PCNX2: variants seen among roughly 807,000 people sequenced by gnomAD.
PCNX2 encodes pecanex 2, also known as pecanex-like protein 2.
A neutral mutation model predicts 223.8 loss-of-function variants in PCNX2; 168 were observed. That is an observed-to-expected ratio of 0.75 (90% CI 0.66 to 0.85). PCNX2 has a LOEUF of 0.85. Ranked by LOEUF, PCNX2 falls within the 40% of genes least tolerant of loss-of-function variation. PCNX2 has a pLI of 0.00. For synonymous variants in PCNX2, 1,006 were observed against 1,052.6 expected (o/e 0.96, Z 0.86); for missense variants, 2,507 against 2,675.5 (o/e 0.94, Z 1.39).
At chr1:233,262,004 A>C in intron 3 of PCNX2, 41 bp downstream of exon 3, 2 of 1,611,148 alleles carry the variant, frequency 1.2e-6, no homozygotes, top group South Asian at 2.2e-5. Flanking sequence ...TCAACATCGA[A>C]ATCACATGAA....
chr1:233,027,921 CATT>C (rs1671138684), intron 25 of PCNX2, among the ~76,000 whole-genome samples: 1 of 152,234 alleles, frequency 6.6e-6, no homozygotes, highest in Admixed American at 6.5e-5. Flanking sequence ...GCATCCCACA[CATT>C]TTTTATATGC....
chr1:232,986,037 A>T (rs1669462649), intron 33 of PCNX2, 55 bp downstream of exon 33: 3 of 1,536,302 alleles, frequency 2.0e-6, no homozygotes, highest in Non-Finnish European at 1.8e-6. Flanking sequence ...CGCTCAGGCC[A>T]GGAGCCCGTG....
chr1:233,327,211 C>T, the PCNX2 span, among the ~76,000 whole-genome samples: 1 of 152,170 alleles, frequency 6.6e-6, no homozygotes, highest in Non-Finnish European at 1.5e-5. Flanking sequence ...GGAGAAGCGT[C>T]CCCTCCCTCA....
intron 21 of PCNX2, among the ~76,000 whole-genome samples, chr1:233,100,992 G>A (rs1312722156): frequency 2.6e-5 from 4 of 152,114 alleles, no homozygotes; most frequent in Admixed American, 6.6e-5. Flanking sequence ...GAATGGCATC[G>A]CAGAAACTGG....
At chr1:233,229,219 T>G (rs1401517450) in intron 9 of PCNX2, among the ~76,000 whole-genome samples, 1 of 152,222 alleles carries the variant, frequency 6.6e-6, no homozygotes, top group Non-Finnish European at 1.5e-5. Flanking sequence ...ACTCAGCCTA[T>G]GGAAAATGGA....
Position 233,208,706 on chromosome 1 carries a change from A to G in PCNX2, c.2692-17T>C, listed in dbSNP as rs775809543. 4.4e-6 allele frequency: 7 copies of G among 1,605,512 alleles called. No homozygotes were observed. The highest frequency in any genetic ancestry group is 6.0e-6 in the Non-Finnish European group (7 of 1,174,834). ...GTTGTGTCCCTAGAAAACAAACACA[A>G]TTTCTGAATGGTACCTCTTATTTTG... On this transcript the variant is annotated splice_polypyrimidine_tract_variant and intron_variant, in intron 12 of 33. Coordinates refer to ENST00000258229, the MANE Select transcript of PCNX2 (RefSeq NM_014801.4).
intron 25 of PCNX2, among the ~76,000 whole-genome samples, chr1:233,042,928 A>G (rs971337064): frequency 2.6e-5 from 4 of 152,194 alleles, no homozygotes; most frequent in African/African-American, 9.7e-5. Context: ...AGAAGGTGAA[A>G]TCGTGAGGTG....
chr1:233,122,390 G>A (rs1236573070), intron 21 of PCNX2, among the ~76,000 whole-genome samples: 1 of 152,094 alleles, frequency 6.6e-6, no homozygotes, highest in Non-Finnish European at 1.5e-5. Context: ...TGTGCATAGT[G>A]GCTTTCTTCC....
At chr1:233,150,377 A>T (rs1677726869) in intron 19 of PCNX2, among the ~76,000 whole-genome samples, 2 of 152,192 alleles carry the variant, frequency 1.3e-5, no homozygotes, top group African/African-American at 4.8e-5. Context: ...AACACAATAA[A>T]TATATTTTGA....
chr1:233,171,881 C>G (rs1054450534), intron 17 of PCNX2, among the ~76,000 whole-genome samples: 21 of 151,498 alleles, frequency 1.4e-4, no homozygotes, highest in African/African-American at 4.8e-4. Flanking sequence ...GATTTTTTTT[C>G]TTTTGTCAAT....
At chr1:233,093,795 G>A (rs1296928657) in intron 22 of PCNX2, among the ~76,000 whole-genome samples, 5 of 152,112 alleles carry the variant, frequency 3.3e-5, no homozygotes, top group Non-Finnish European at 7.3e-5. Context: ...AACAAAACAA[G>A]GGGATCCACT....
At chr1:233,024,720 A>G (rs937591007) in intron 26 of PCNX2, among the ~76,000 whole-genome samples, 2 of 152,234 alleles carry the variant, frequency 1.3e-5, no homozygotes, top group African/African-American at 4.8e-5. Flanking sequence ...GTTTAGCTAC[A>G]TTTTGAGTTC....
chr1:233,134,729 A>T (rs909739245), intron 21 of PCNX2: 29 of 476,664 alleles, frequency 6.1e-5, no homozygotes, highest in Non-Finnish European at 1.1e-4. Context: ...GATCTAGGGA[A>T]ATCTTACAAT....
chr1:233,064,385 T>C (rs1008989323), intron 23 of PCNX2, among the ~76,000 whole-genome samples: 1 of 152,218 alleles, frequency 6.6e-6, no homozygotes, highest in Non-Finnish European at 1.5e-5. Context: ...CCATTCACAA[T>C]GGAGACTTGT....
In PCNX2 at chr1:233,025,185, C is replaced by T. The variant is rs778703379; in HGVS notation, c.4566G>A (p.Val1522=). ...GGATGAGGATCCTTCGGAGGTCAAA[C>T]ACCTGCAGCATGGTGGCCGCGTTGT... ...LDNNAATMLQ[V]FDLRRILIRY... is the part of the protein sequence containing the mutation. The change falls in exon 26 of 34, where the codon GTG becomes GTA. Residue 1522 remains valine, a synonymous_variant. Coordinates refer to ENST00000258229, the MANE Select transcript of PCNX2 (RefSeq NM_014801.4). The T allele has an allele frequency of 9.9e-6, 16 of 1,613,896 alleles. No homozygotes were observed. The African/African-American group carries it at 2.1e-4, about 22-fold the overall frequency.
At chr1:233,216,069 GA>G (rs1482707970) in intron 12 of PCNX2, among the ~76,000 whole-genome samples, 1 of 152,122 alleles carries the variant, frequency 6.6e-6, no homozygotes, top group Non-Finnish European at 1.5e-5. Context: ...ACAATAGAGG[GA>G]AAAATCAAGC....
intron 28 of PCNX2, among the ~76,000 whole-genome samples, chr1:233,014,123 TTC>T (rs1180849074): frequency 1.3e-5 from 2 of 152,174 alleles, no homozygotes; most frequent in Non-Finnish European, 2.9e-5. Context: ...TTGATTTTGT[TTC>T]TGTTCTTTAA....
At chr1:233,169,687 TATA>T (rs983294925) in intron 17 of PCNX2, among the ~76,000 whole-genome samples, 18 of 150,822 alleles carry the variant, frequency 1.2e-4, no homozygotes, top group Non-Finnish European at 5.9e-5. Flanking sequence ...ATAAATTGCA[TATA>T]ATAAGTATGT....
intron 25 of PCNX2, among the ~76,000 whole-genome samples, chr1:233,048,509 A>G (rs1270687478): frequency 6.6e-6 from 1 of 152,226 alleles, no homozygotes; most frequent in Non-Finnish European, 1.5e-5. Flanking sequence ...GATGTGGTAA[A>G]AGAAGTGTTA....
Sources: allele counts gnomAD v4.1 joint callset (sites outside exome capture counted in the v4.1 genomes callset), GRCh38; gene constraint gnomAD v4.1.1; transcripts MANE v1.5; gene names NCBI Gene and HGNC (gene_info 2026-07-23, HGNC 2026-07-21).